Variants in FER1L5 observed in about 807,000 individuals in gnomAD.
FER1L5 encodes the protein fer-1-like protein 5.
In FER1L5, 187 loss-of-function variants were observed where a neutral mutation model predicts 279.9. That is an observed-to-expected ratio of 0.67 (90% CI 0.59 to 0.75). The LOEUF is 0.75. Ranked by LOEUF, FER1L5 falls within the 30% of genes least tolerant of loss-of-function variation. The probability of loss-of-function intolerance (pLI) is 0.00; values close to 1 mark genes in which losing one functional copy is unlikely to be tolerated. For synonymous variants in FER1L5, 921 were observed against 989.7 expected, an observed-to-expected ratio of 0.93 and a Z score of 1.30; for missense variants, 2,091 against 2,594.4, an observed-to-expected ratio of 0.81 and a Z score of 4.21.
Position 96,702,693 on chromosome 2 carries a change from T to C in FER1L5, c.5349T>C (p.Phe1783=). The C allele has an allele frequency of 1.9e-6, 3 of 1,613,028 alleles. No individual in the cohort carries two copies. Among genetic ancestry groups the C allele is most frequent in the Non-Finnish European group, 1.7e-6 (2 of 1,179,554 alleles). The change falls in exon 48 of 53, where the codon TTT becomes TTC. Residue 1783 remains phenylalanine, a synonymous_variant. Coordinates refer to ENST00000624922, the MANE Select transcript of FER1L5 (RefSeq NM_001293083.2). This position sits in a 1 kb window ranked among gnomAD's most constrained non-coding sequence, Gnocchi z 4.0. ...CCGACTTCAACTGGCGGTTCATCTT[T>C]ACCATGGACTACCTGGCGGCGGAGC... is the stretch of plus-strand genomic sequence containing the variant. The part of the protein sequence containing the change: ...GEADFNWRFI[F]TMDYLAAERT...
At chr2:96,666,587 G>A (rs1342549996) in intron 14 of FER1L5, among the ~76,000 whole-genome samples, 1 of 152,056 alleles carries the variant, frequency 6.6e-6, no homozygotes, top group African/African-American at 2.4e-5. Context: ...AGGATTTGGG[G>A]TCCCACTCTG....
chr2:96,689,505 A>T lies in FER1L5; in HGVS notation c.2525+129A>T. ...CAGAGGGCCGAGGTGCACCAGGCCA[A>T]GGGCCCTGCCCACCACCCTGTCCTG... On this transcript the variant is annotated intron_variant, in intron 25 of 52. Transcript: ENST00000624922. The surrounding 1 kb of genome is among the most constrained non-coding windows in gnomAD (Gnocchi z 4.6). The T allele has an allele frequency of 6.8e-7, 1 of 1,461,102 alleles. No individual in the cohort carries two copies. Among genetic ancestry groups the T allele is most frequent in the Non-Finnish European group, 9.3e-7 (1 of 1,074,036 alleles). 90.5% of individuals were successfully genotyped at this position (1,461,102 alleles called of 1,614,324 possible). A position where few individuals can be genotyped will look rare whatever the true frequency, so the allele number is the denominator to read the frequency against.
chr2:96,687,713 A>G lies in FER1L5; in HGVS notation c.2230-103A>G. On this transcript the variant is annotated intron_variant, in intron 23 of 52. Transcript: ENST00000624922. ...TCAGCTCAGTGAGGGCCCCGCTCCC[A>G]GGGCTCAGGGGGGAAGGGGCAGGTA... The G allele has an allele frequency of 2.0e-6, 3 of 1,480,598 alleles. No homozygotes were observed. The South Asian group carries it at 4.0e-5, about 20-fold the overall frequency. The allele number at this position is 1,480,598 out of a possible 1,614,324, so 91.7% of individuals were successfully genotyped here.
At chr2:96,688,032 T>A in intron 24 of FER1L5, 85 bp downstream of exon 24, 1 of 1,511,286 alleles carries the variant, frequency 6.6e-7, no homozygotes, top group Non-Finnish European at 9.0e-7. Flanking sequence ...ATGGCCTCCC[T>A]GCAGGGGATT....
intron 9 of FER1L5, among the ~76,000 whole-genome samples, chr2:96,658,473 T>C (rs2075689992): frequency 6.6e-6 from 1 of 151,940 alleles, no homozygotes; most frequent in Non-Finnish European, 1.5e-5. Flanking sequence ...CACGCCACCA[T>C]GTCTGGCTAA....
At chr2:96,656,612 A>G (rs2075609546) in intron 9 of FER1L5, among the ~76,000 whole-genome samples, 1 of 152,250 alleles carries the variant, frequency 6.6e-6, no homozygotes, top group South Asian at 2.1e-4. Flanking sequence ...TCTGAGCAAA[A>G]GAGAGAGACT....
chr2:96,656,714 T>C (rs1473600665), intron 9 of FER1L5, among the ~76,000 whole-genome samples: 2 of 152,010 alleles, frequency 1.3e-5, no homozygotes, highest in Non-Finnish European at 1.5e-5. Flanking sequence ...AGTTTCCTTT[T>C]ATTCTGTTGG....
At chr2:96,686,646 G>C (rs1450109809) in intron 23 of FER1L5, among the ~76,000 whole-genome samples, 1 of 152,040 alleles carries the variant, frequency 6.6e-6, no homozygotes, top group Admixed American at 6.6e-5. Flanking sequence ...CCTGAGGTCA[G>C]GAGTTTGAGA....
chr2:96,686,468 A>C, intron 23 of FER1L5, 118 bp downstream of exon 23: 3 of 1,181,310 alleles, frequency 2.5e-6, no homozygotes, highest in Non-Finnish European at 2.3e-6. Flanking sequence ...AACCACATGG[A>C]ATGGGGTTGA....
chr2:96,685,482 G>T (rs1326935846), intron 21 of FER1L5, 53 bp downstream of exon 21: 10 of 1,470,734 alleles, frequency 6.8e-6, no homozygotes, highest in Non-Finnish European at 9.2e-6. Flanking sequence ...AGCCAGATCT[G>T]GGCCTGGGGA....
At chr2:96,651,401 CCCTT>C (rs1475929645) in intron 6 of FER1L5, among the ~76,000 whole-genome samples, 1 of 148,260 alleles carries the variant, frequency 6.7e-6, no homozygotes, top group African/African-American at 2.5e-5. Context: ...CTTCCTCCCT[CCCTT>C]CTTTCTTTCT....
intron 19 of FER1L5, among the ~76,000 whole-genome samples, chr2:96,673,813 A>T (rs1010465656): frequency 6.6e-6 from 1 of 152,202 alleles, no homozygotes; most frequent in Admixed American, 6.5e-5. Context: ...AGCCCTAGAG[A>T]ATCCAATAAC....
rs758782791 is a variant in FER1L5 at position 96,690,516 on chromosome 2, C to T, written c.2670C>T (p.Asn890=). ...GACAGCCCATGGAGGCCCGGGAGAACGTGAAGTGCCCCCAAGGCTGGCACT... is the reference window on the plus strand; with the variant it reads ...GACAGCCCATGGAGGCCCGGGAGAATGTGAAGTGCCCCCAAGGCTGGCACT... ...VNGQPMEARE[N]VKCPQGWHFK... Residue 890 remains asparagine, a synonymous_variant, in exon 27 of 53, where the codon AAC becomes AAT. Coordinates refer to ENST00000624922, the MANE Select transcript of FER1L5 (RefSeq NM_001293083.2). 30 of 1,551,494 alleles carry T rather than the reference C, an allele frequency of 1.9e-5. No individual in the cohort carries two copies. The highest frequency in any genetic ancestry group is 5.5e-5 in the African/African-American group (4 of 73,036).
At chr2:96,701,835 C>A (rs1398179636) in intron 45 of FER1L5, 120 bp from the exon 46 acceptor site, 34 of 868,058 alleles carry the variant, frequency 3.9e-5, no homozygotes, top group Non-Finnish European at 4.0e-5. Flanking sequence ...CTGTACCCCA[C>A]CCCTCGGTGT....
chr2:96,695,287 T>G, intron 34 of FER1L5: 1 of 568,830 alleles, frequency 1.8e-6, no homozygotes, highest in Non-Finnish European at 2.9e-6. Flanking sequence ...CCTCATGGGT[T>G]GGGGGACAGC....
chr2:96,699,486 G>C (rs2077509596), intron 42 of FER1L5, 64 bp from the exon 43 acceptor site: 2 of 1,544,494 alleles, frequency 1.3e-6, no homozygotes, highest in East Asian at 2.3e-5. Flanking sequence ...CGAGACACCG[G>C]TGAGGGAGGG....
In FER1L5 at chr2:96,670,241, G is replaced by C. The variant is rs903637439; in HGVS notation, c.1485G>C (p.Arg495Ser). 3.9e-6 allele frequency: 6 copies of C among 1,551,272 alleles called. No homozygotes were observed. Among genetic ancestry groups the C allele is most frequent in the Non-Finnish European group, 5.2e-6 (6 of 1,146,836 alleles). ...TIKDLSHEVT[R>S]IEKHQNRQKY... ...AGGATCTCTCCCATGAAGTGACCAG[G>C]ATAGAGGTAACTGCGGGAAACAGGT... The change falls in exon 18 of 53, where the codon AGG becomes AGC. Residue 495 changes from arginine to serine, a missense_variant. Coordinates refer to ENST00000624922, the MANE Select transcript of FER1L5 (RefSeq NM_001293083.2).
chr2:96,655,886 A>T (rs1281635037), intron 9 of FER1L5, among the ~76,000 whole-genome samples: 1 of 151,910 alleles, frequency 6.6e-6, no homozygotes, highest in Non-Finnish European at 1.5e-5. Flanking sequence ...ATTTTTAAAA[A>T]TTTTTTGTAG....
chr2:96,675,388 C>A (rs1229403265), intron 19 of FER1L5, among the ~76,000 whole-genome samples: 3 of 152,122 alleles, frequency 2.0e-5, no homozygotes, highest in African/African-American at 7.2e-5. Context: ...ACCTTCTCAC[C>A]AGTACTTGAT....
Sources: gnomAD v4.1 joint callset for allele counts (sites outside exome capture counted in the v4.1 genomes callset) on GRCh38, gnomAD v4.1.1 for gene constraint, Gnocchi (gnomAD v3.1) non-coding constraint, MANE v1.5 for transcripts, NCBI Gene and HGNC (gene_info 2026-07-23, HGNC 2026-07-21) for gene names.